NDST4: variants seen among roughly 807,000 people sequenced by gnomAD.
NDST4 encodes N-deacetylase and N-sulfotransferase 4.
NDST4 carries 63 observed loss-of-function variants against 100.8 expected under a neutral mutation model. That is an observed-to-expected ratio of 0.62 (90% CI 0.51 to 0.77). The LOEUF is 0.77. Among genes scored for constraint, NDST4 ranks in the 30% least tolerant of loss-of-function variants. The probability of loss-of-function intolerance (pLI) is 0.00; values close to 1 mark genes in which losing one functional copy is unlikely to be tolerated. For synonymous variants in NDST4, 377 were observed against 361.8 expected, an observed-to-expected ratio of 1.04 and a Z score of -0.48; for missense variants, 943 against 1,018.4, an observed-to-expected ratio of 0.93 and a Z score of 1.01.
intron 2 of NDST4, among the ~76,000 whole-genome samples, chr4:115,024,219 T>C (rs940959931): frequency 1.3e-5 from 2 of 152,060 alleles, no homozygotes; most frequent in African/African-American, 2.4e-5. Flanking sequence ...ACTTGAGCAA[T>C]GCCTAGTGAA....
At chr4:115,056,266 C>A (rs1216744890) in intron 2 of NDST4, among the ~76,000 whole-genome samples, 1 of 151,998 alleles carries the variant, frequency 6.6e-6, no homozygotes, top group Non-Finnish European at 1.5e-5. Flanking sequence ...TTAGGAGGAT[C>A]AACCTGAGCC....
rs143152077 is a variant in NDST4, at chr4:115,084,433, G to C, written c.-246-7151C>G. Reference sequence around the variant, plus strand: ...TGCAGAAATTTGCATAAGTAACAAGGAGCAGAATGTTAATCACCAAGACAA... The same window carrying C: ...TGCAGAAATTTGCATAAGTAACAAGCAGCAGAATGTTAATCACCAAGACAA... On this transcript the variant is annotated intron_variant, in intron 1 of 13. Coordinates refer to ENST00000264363, the MANE Select transcript of NDST4 (RefSeq NM_022569.3). 3.5e-3 allele frequency among the ~76,000 whole-genome samples: 534 copies of C among 152,332 alleles called. 3 individuals carry two copies. Among genetic ancestry groups the C allele is most frequent in the African/African-American group, 0.012 (508 of 41,584 alleles).
At chr4:114,874,587 C>A (rs1443699524) in intron 6 of NDST4, among the ~76,000 whole-genome samples, 6 of 152,178 alleles carry the variant, frequency 3.9e-5, no homozygotes, top group Admixed American at 1.3e-4. Context: ...AACAATTCTG[C>A]AAGCACAGCT....
intron 7 of NDST4, among the ~76,000 whole-genome samples, chr4:114,867,472 C>T (rs562436972): frequency 1.3e-5 from 2 of 151,928 alleles, no homozygotes; most frequent in African/African-American, 4.8e-5. Context: ...AAGCAGGAAT[C>T]CACATCATGT....
At chr4:115,071,891 C>T (rs946603960) in intron 2 of NDST4, among the ~76,000 whole-genome samples, 9 of 152,044 alleles carry the variant, frequency 5.9e-5, no homozygotes, top group African/African-American at 2.2e-4. Flanking sequence ...ATATAAGTAA[C>T]ATAGTAGATA....
intron 2 of NDST4, among the ~76,000 whole-genome samples, chr4:115,042,251 T>C (rs1364751842): frequency 6.6e-6 from 1 of 152,150 alleles, no homozygotes; most frequent in African/African-American, 2.4e-5. Context: ...GTATCTATGC[T>C]ATATACACTA....
chr4:114,951,897 G>A (rs1725997372), intron 4 of NDST4, among the ~76,000 whole-genome samples: 1 of 152,082 alleles, frequency 6.6e-6, no homozygotes, highest in Non-Finnish European at 1.5e-5. Context: ...TGTATTTTGT[G>A]CACAGACCAT....
chr4:115,039,953 T>A (rs1045569218), intron 2 of NDST4, among the ~76,000 whole-genome samples: 5 of 152,046 alleles, frequency 3.3e-5, no homozygotes, highest in Non-Finnish European at 7.4e-5. Context: ...AATACTAACA[T>A]GTAAGTGGTG....
At chr4:115,032,598 T>C (rs1728138506) in intron 2 of NDST4, among the ~76,000 whole-genome samples, 2 of 152,076 alleles carry the variant, frequency 1.3e-5, no homozygotes. Flanking sequence ...AGAGCTAAAA[T>C]TGTATTAGAT....
chr4:114,871,880 A>G (rs935170353), intron 6 of NDST4, among the ~76,000 whole-genome samples: 1 of 151,986 alleles, frequency 6.6e-6, no homozygotes, highest in Non-Finnish European at 1.5e-5. Context: ...CAAATATTAT[A>G]ATGAAATAAT....
chr4:114,950,345 G>A (rs1031864069), intron 4 of NDST4, among the ~76,000 whole-genome samples: 2 of 152,006 alleles, frequency 1.3e-5, no homozygotes, highest in Admixed American at 6.6e-5. Flanking sequence ...ATTTCTAAGG[G>A]TATAGTAGGT....
At chr4:114,967,788 T>A (rs184402906) in intron 4 of NDST4, among the ~76,000 whole-genome samples, 2,801 of 152,006 alleles carry the variant, frequency 0.018, 80 homozygotes, top group African/African-American at 0.056. Flanking sequence ...ATATTTTTTT[T>A]AAAAAAAATT....
chr4:114,839,662 G>C (rs1723385514), intron 10 of NDST4, 114 bp from the exon 11 acceptor site: 1 of 759,558 alleles, frequency 1.3e-6, no homozygotes, highest in East Asian at 2.6e-5. Flanking sequence ...GTATAAATGT[G>C]TGTGTCCTTT....
intron 1 of NDST4, among the ~76,000 whole-genome samples, chr4:115,112,488 GT>G (rs2110349035): frequency 6.6e-6 from 1 of 151,934 alleles, no homozygotes; most frequent in Non-Finnish European, 1.5e-5. Flanking sequence ...GCAAAGGTGA[GT>G]TTGAAAGAGA....
intron 6 of NDST4, among the ~76,000 whole-genome samples, chr4:114,927,467 T>C (rs922449329): frequency 1.3e-5 from 2 of 152,088 alleles, no homozygotes; most frequent in African/African-American, 2.4e-5. Context: ...TTTATCCTTA[T>C]ATAATGGTGA....
intron 1 of NDST4, among the ~76,000 whole-genome samples, chr4:115,103,688 C>G (rs1303873907): frequency 2.0e-5 from 3 of 152,060 alleles, no homozygotes; most frequent in Admixed American, 6.6e-5. Context: ...ATTTAATTTC[C>G]TTCTATTTTA....
rs183543640 is a variant in NDST4, at chr4:114,957,895, G to A, written c.1221+12535C>T. On this transcript the variant is annotated intron_variant, in intron 4 of 13. Transcript: ENST00000264363. ...CATCCAGATCATACTGATGCAAAAA[G>A]TGGGTTCCCATGGTCTTGGGCAGCT... Among the ~76,000 whole-genome samples the A allele has an allele frequency of 5.9e-5, 9 of 152,288 alleles. No individual in the cohort carries two copies. The East Asian group carries it at 1.7e-3, about 29-fold the overall frequency.
chr4:114,938,617 C>T (rs7670030), intron 4 of NDST4, among the ~76,000 whole-genome samples: 1,897 of 152,236 alleles, frequency 0.012, 49 homozygotes, highest in African/African-American at 0.044. Context: ...TGACAATTGC[C>T]ATTTATATTT....
At chr4:115,042,880 A>G (rs1347153793) in intron 2 of NDST4, among the ~76,000 whole-genome samples, 2 of 152,136 alleles carry the variant, frequency 1.3e-5, no homozygotes, top group East Asian at 1.9e-4. Context: ...TACAAGACCA[A>G]AAGAAACATC....
Sources: allele counts gnomAD v4.1 joint callset (sites outside exome capture counted in the v4.1 genomes callset), GRCh38; gene constraint gnomAD v4.1.1; transcripts MANE v1.5; gene names NCBI Gene and HGNC (gene_info 2026-07-23, HGNC 2026-07-21).